The following CFAP61 variants were observed in gnomAD, a reference collection of about 807,000 sequenced individuals.
CFAP61 encodes the protein cilia and flagella associated protein 61.
A neutral mutation model predicts 135.6 loss-of-function variants in CFAP61; 107 were observed. That is an observed-to-expected ratio of 0.79 (90% CI 0.67 to 0.93). The LOEUF (loss-of-function observed/expected upper bound fraction) is 0.93, where lower values mean the gene tolerates loss of function less well. Ranked by LOEUF, CFAP61 falls within the 40% of genes least tolerant of loss-of-function variation. The pLI, the probability that CFAP61 is intolerant of heterozygous loss-of-function variation, is 0.00. For missense variants in CFAP61, 1,507 were observed against 1,556.2 expected (o/e 0.97, Z 0.53); for synonymous variants, 575 against 578.5 (o/e 0.99, Z 0.09).
At chr20:20,150,911 C>G (rs2052355409) in intron 9 of CFAP61, among the ~76,000 whole-genome samples, 2 of 152,116 alleles carry the variant, frequency 1.3e-5, no homozygotes, top group African/African-American at 4.8e-5. Context: ...AACAGCAGCC[C>G]TTGAGTTCCA....
chr20:20,192,815 T>C (rs1260775609), intron 15 of CFAP61, among the ~76,000 whole-genome samples: 2 of 152,202 alleles, frequency 1.3e-5, no homozygotes, highest in Non-Finnish European at 2.9e-5. Flanking sequence ...TCTAAATGTT[T>C]GTCTTGTGTA....
chr20:20,276,096 G>C (rs1454501920), intron 21 of CFAP61, among the ~76,000 whole-genome samples: 3 of 152,240 alleles, frequency 2.0e-5, no homozygotes, highest in Non-Finnish European at 4.4e-5. Flanking sequence ...CCATCTGAAA[G>C]TTACTGTAGT....
At chr20:20,170,521 ATTT>A (rs758782979) in intron 13 of CFAP61, among the ~76,000 whole-genome samples, 5 of 152,206 alleles carry the variant, frequency 3.3e-5, no homozygotes, top group Admixed American at 6.5e-5. Context: ...CTTCTATCTT[ATTT>A]TTACAAAATG....
intron 21 of CFAP61, chr20:20,265,489 A>G (rs1280997566): frequency 1.3e-6 from 1 of 779,588 alleles, no homozygotes; most frequent in Non-Finnish European, 2.4e-6. Flanking sequence ...GTGCCCCCTT[A>G]AAGGGAAATG....
chr20:20,167,855 G>A (rs1443733253), intron 12 of CFAP61, among the ~76,000 whole-genome samples: 2 of 152,132 alleles, frequency 1.3e-5, no homozygotes, highest in Admixed American at 6.5e-5. Context: ...AAGAGGAGGC[G>A]AGATCCCAAA....
chr20:20,252,739 G>A (rs549891272), intron 20 of CFAP61, among the ~76,000 whole-genome samples: 6 of 152,274 alleles, frequency 3.9e-5, no homozygotes, highest in East Asian at 1.9e-4. Context: ...CCTTCACGTC[G>A]CCAAGCGCAG....
chr20:20,300,804 C>T (rs960175785), intron 25 of CFAP61, among the ~76,000 whole-genome samples: 9 of 151,964 alleles, frequency 5.9e-5, no homozygotes, highest in African/African-American at 2.2e-4. Context: ...CGGGGTTTCA[C>T]CATGTTGGCC....
Position 20,136,892 on chromosome 20 carries a change from C to T in CFAP61, c.860-5965C>T, listed in dbSNP as rs1600876089. Among the ~76,000 whole-genome samples, 3 of 152,176 alleles carry T rather than the reference C, an allele frequency of 2.0e-5. No homozygotes were observed. The East Asian group carries it at 5.8e-4, about 29-fold the overall frequency. ...TTTGTACTTTTCCTTCTTGGGAAGGCTTTCCAGGTATTCAAAGGAACTTGG... is the reference window on the plus strand; with the variant it reads ...TTTGTACTTTTCCTTCTTGGGAAGGTTTTCCAGGTATTCAAAGGAACTTGG... On this transcript the variant is annotated intron_variant, in intron 8 of 26. Transcript: ENST00000245957.
At chr20:20,112,379 G>A (rs2048858467) in intron 8 of CFAP61, among the ~76,000 whole-genome samples, 1 of 152,034 alleles carries the variant, frequency 6.6e-6, no homozygotes, top group African/African-American at 2.4e-5. Flanking sequence ...ATAACCTTGG[G>A]AAAGTTATCT....
At position 20,186,685 on chromosome 20, in the gene CFAP61, ATTAG is replaced by A. The variant is rs570014535; in HGVS notation, c.1386-1241_1386-1238del. ...GATGGTATTAATTGTTCATCTTTTT[ATTAG>A]TTAATTATAGATACAGATATTGTTC... is the stretch of plus-strand genomic sequence containing the variant. On this transcript the variant is annotated intron_variant, in intron 13 of 26. Coordinates refer to ENST00000245957, the MANE Select transcript of CFAP61 (RefSeq NM_015585.4). Among the ~76,000 whole-genome samples, 56 of 152,234 alleles carry A rather than the reference ATTAG, an allele frequency of 3.7e-4. No individual in the cohort carries two copies. The South Asian group carries it at 0.011, about 31-fold the overall frequency.
intron 6 of CFAP61, among the ~76,000 whole-genome samples, chr20:20,090,532 A>G (rs959528231): frequency 2.0e-5 from 3 of 151,986 alleles, no homozygotes; most frequent in African/African-American, 7.3e-5. Flanking sequence ...TCTACTAAAA[A>G]TACAAAAATT....
At chr20:20,353,382 G>T (rs2122449902) in intron 26 of CFAP61, among the ~76,000 whole-genome samples, 1 of 152,264 alleles carries the variant, frequency 6.6e-6, no homozygotes, top group African/African-American at 2.4e-5. Context: ...TGATGGGAGG[G>T]GTCCTGTTCA....
chr20:20,321,133 A>T (rs2057490327), intron 25 of CFAP61, among the ~76,000 whole-genome samples: 1 of 152,190 alleles, frequency 6.6e-6, no homozygotes, highest in African/African-American at 2.4e-5. Context: ...TTTAACCAAA[A>T]AACTGTGATA....
In CFAP61 at chr20:20,229,684, C is replaced by T. The variant is rs75471552; in HGVS notation, c.2060+1308C>T. On this transcript the variant is annotated intron_variant, in intron 18 of 26. Transcript: ENST00000245957. Reference sequence around the variant, plus strand: ...TTTTGCTCATTTAACATCACATTAACCAGATAAAAAAAGAATTGATTTTTT... The same window carrying T: ...TTTTGCTCATTTAACATCACATTAATCAGATAAAAAAAGAATTGATTTTTT... Among the ~76,000 whole-genome samples the T allele has an allele frequency of 8.6e-3, 1,314 of 152,252 alleles. 21 individuals are homozygous for T. The highest frequency in any genetic ancestry group is 0.03 in the African/African-American group (1,259 of 41,526).
At chr20:20,341,368 G>T (rs977749132) in intron 25 of CFAP61, among the ~76,000 whole-genome samples, 1 of 152,174 alleles carries the variant, frequency 6.6e-6, no homozygotes, top group African/African-American at 2.4e-5. Flanking sequence ...CGATGCAACC[G>T]TGCGAACAGC....
At chr20:20,227,327 C>T (rs534745161) in intron 17 of CFAP61, among the ~76,000 whole-genome samples, 1 of 152,342 alleles carries the variant, frequency 6.6e-6, no homozygotes, top group Admixed American at 6.5e-5. Flanking sequence ...GAATATCTTT[C>T]CACTGACTTC....
intron 21 of CFAP61, among the ~76,000 whole-genome samples, chr20:20,276,424 G>T (rs1459064476): frequency 6.6e-6 from 1 of 152,144 alleles, no homozygotes; most frequent in Non-Finnish European, 1.5e-5. Flanking sequence ...TAGTGTCATT[G>T]ACCTTAAAAC....
chr20:20,296,927 G>T (rs2055677259), intron 24 of CFAP61, among the ~76,000 whole-genome samples: 4 of 152,030 alleles, frequency 2.6e-5, no homozygotes, highest in Admixed American at 6.5e-5. Flanking sequence ...TAAGCACTTT[G>T]TTATGGTGGT....
chr20:20,332,145 C>G (rs757038080), intron 25 of CFAP61, among the ~76,000 whole-genome samples: 1 of 152,242 alleles, frequency 6.6e-6, no homozygotes, highest in African/African-American at 2.4e-5. Flanking sequence ...AGGCAGAGCA[C>G]TAAGACTCAG....
Sources: allele counts gnomAD v4.1 joint callset (sites outside exome capture counted in the v4.1 genomes callset), GRCh38; gene constraint gnomAD v4.1.1; transcripts MANE v1.5; gene names NCBI Gene and HGNC (gene_info 2026-07-23, HGNC 2026-07-21).